TASP1: variants seen among roughly 807,000 people sequenced by gnomAD.
The protein encoded by TASP1 is taspase 1, also known as threonine aspartase 1.
TASP1 carries 16 observed loss-of-function variants against 56.6 expected under a neutral mutation model. The observed-to-expected ratio is 0.28, with a 90% CI of 0.19 to 0.43. The LOEUF is 0.43. Ranked by LOEUF, TASP1 falls within the 20% of genes least tolerant of loss-of-function variation. TASP1 has a pLI of 1.00. For synonymous variants in TASP1, 179 were observed against 184.2 expected, an observed-to-expected ratio of 0.97 and a Z score of 0.23; for missense variants, 393 against 511.6, an observed-to-expected ratio of 0.77 and a Z score of 2.24.
the TASP1 span, among the ~76,000 whole-genome samples, chr20:13,214,060 A>C: frequency 2.6e-5 from 4 of 152,194 alleles, no homozygotes; most frequent in Admixed American, 2.6e-4. Context: ...TGGACAGAAA[A>C]GAGTCGCTGT....
At chr20:13,406,492 TA>T (rs1256787949) in intron 13 of TASP1, among the ~76,000 whole-genome samples, 1 of 152,162 alleles carries the variant, frequency 6.6e-6, no homozygotes, top group African/African-American at 2.4e-5. Context: ...GAGCATCCAA[TA>T]AAATACTGAA....
intron 13 of TASP1, among the ~76,000 whole-genome samples, chr20:13,415,408 G>T (rs75209081): frequency 6.7e-6 from 1 of 148,776 alleles, no homozygotes; most frequent in African/African-American, 2.5e-5. Context: ...ATAAAATTCC[G>T]CAGCCAAATC....
the TASP1 span, among the ~76,000 whole-genome samples, chr20:13,173,117 G>A: frequency 1.3e-5 from 2 of 152,158 alleles, no homozygotes; most frequent in African/African-American, 2.4e-5. Flanking sequence ...CCTTTACCCT[G>A]TATGATGATT....
chr20:13,618,268 C>A (rs1242947375), intron 4 of TASP1, among the ~76,000 whole-genome samples: 1 of 151,942 alleles, frequency 6.6e-6, no homozygotes, highest in Non-Finnish European at 1.5e-5. Flanking sequence ...AAAAAATTAG[C>A]CAGGTGTGGT....
the TASP1 span, among the ~76,000 whole-genome samples, chr20:13,337,574 C>T: frequency 1.4e-4 from 22 of 152,298 alleles, no homozygotes; most frequent in Non-Finnish European, 3.1e-4. Flanking sequence ...TTTATGCTGT[C>T]GTGGCTTTCA....
the TASP1 span, among the ~76,000 whole-genome samples, chr20:13,110,848 G>A: frequency 6.6e-6 from 1 of 152,156 alleles, no homozygotes; most frequent in African/African-American, 2.4e-5. Context: ...CAAATTGAGG[G>A]GGATATCTCC....
intron 10 of TASP1, among the ~76,000 whole-genome samples, chr20:13,519,928 A>C (rs1177626640): frequency 6.6e-6 from 1 of 152,250 alleles, no homozygotes; most frequent in East Asian, 1.9e-4. Flanking sequence ...GCAAAGTCTC[A>C]GGATACAAAA....
chr20:13,402,949 A>G (rs1314305155), intron 13 of TASP1, among the ~76,000 whole-genome samples: 4 of 152,240 alleles, frequency 2.6e-5, no homozygotes, highest in Non-Finnish European at 5.9e-5. Flanking sequence ...TTCTTTCAAA[A>G]GGAAAATTAC....
At chr20:13,478,072 A>T (rs1279041430) in intron 11 of TASP1, among the ~76,000 whole-genome samples, 2 of 152,158 alleles carry the variant, frequency 1.3e-5, no homozygotes, top group Non-Finnish European at 2.9e-5. Context: ...AAGAGAAAAA[A>T]ATCTTTATTT....
chr20:13,497,172 A>G (rs2043763393), intron 10 of TASP1, among the ~76,000 whole-genome samples: 2 of 152,196 alleles, frequency 1.3e-5, no homozygotes, highest in Admixed American at 1.3e-4. Context: ...CCTGAGGTGC[A>G]TAAGTTCTTT....
intron 11 of TASP1, among the ~76,000 whole-genome samples, chr20:13,456,665 A>G (rs986677783): frequency 5.3e-5 from 8 of 152,098 alleles, no homozygotes; most frequent in Non-Finnish European, 8.8e-5. Flanking sequence ...TTTTTCATGA[A>G]CTTTTTGCAG....
At chr20:13,122,574 C>A in the TASP1 span, among the ~76,000 whole-genome samples, 1 of 152,202 alleles carries the variant, frequency 6.6e-6, no homozygotes, top group Non-Finnish European at 1.5e-5. Flanking sequence ...ATTGTGTAAA[C>A]TTTTCTGTGA....
At chr20:13,279,441 T>C in the TASP1 span, among the ~76,000 whole-genome samples, 1 of 152,208 alleles carries the variant, frequency 6.6e-6, no homozygotes, top group Non-Finnish European at 1.5e-5. Flanking sequence ...CAAAGCCATG[T>C]TCCATCTAGC....
the TASP1 span, among the ~76,000 whole-genome samples, chr20:13,372,150 T>C: frequency 1.1e-4 from 17 of 152,376 alleles, no homozygotes; most frequent in African/African-American, 3.4e-4. Flanking sequence ...TCTGTGATGA[T>C]TAATTTTATG....
chr20:13,579,693 C>A (rs561704539), intron 6 of TASP1, among the ~76,000 whole-genome samples: 1 of 152,232 alleles, frequency 6.6e-6, no homozygotes, highest in Admixed American at 6.5e-5. Context: ...TGAAATCCAT[C>A]CAACACATAT....
chr20:13,574,530 C>A (rs989230142), intron 6 of TASP1, among the ~76,000 whole-genome samples: 7 of 152,016 alleles, frequency 4.6e-5, no homozygotes, highest in African/African-American at 1.7e-4. Flanking sequence ...ACAAAGATAA[C>A]AGAATTAGCA....
At chr20:13,363,177 T>C in the TASP1 span, among the ~76,000 whole-genome samples, 2 of 152,114 alleles carry the variant, frequency 1.3e-5, no homozygotes, top group South Asian at 2.1e-4. Flanking sequence ...GGCTCCTACA[T>C]TGGGGGTGGT....
the TASP1 span, chr20:13,244,421 A>C: frequency 1.3e-5 from 2 of 151,874 alleles, no homozygotes; most frequent in Non-Finnish European, 2.9e-5. Flanking sequence ...GCTAATGAAA[A>C]TATATAGTGG....
chr20:13,210,470 T>C, the TASP1 span, among the ~76,000 whole-genome samples: 1 of 152,218 alleles, frequency 6.6e-6, no homozygotes, highest in African/African-American at 2.4e-5. Flanking sequence ...CTGCAGCCAT[T>C]AAAAGTGTTC....
Sources: allele counts gnomAD v4.1 joint callset (sites outside exome capture counted in the v4.1 genomes callset), GRCh38; gene constraint gnomAD v4.1.1; transcripts MANE v1.5; gene names NCBI Gene and HGNC (gene_info 2026-07-23, HGNC 2026-07-21).